The following DST variants were observed in gnomAD, a reference collection of about 807,000 sequenced individuals.
DST encodes bullous pemphigoid antigen.
A neutral mutation model predicts 875.2 loss-of-function variants in DST; 253 were observed. The ratio of observed to expected loss-of-function variants is 0.29; its 90% CI spans 0.26 to 0.32. DST has a LOEUF of 0.32. Ranked by LOEUF, DST falls within the 10% of genes least tolerant of loss-of-function variation. DST has a pLI of 1.00. For missense variants in DST, 8,287 were observed against 9,111.6 expected (o/e 0.91, Z 3.68); for synonymous variants, 3,124 against 3,197.1 (o/e 0.98, Z 0.77).
At chr6:56,938,108 C>CTCTCTCTCTCTCTCTCTCTCTCTA (rs1383243392) in intron 2 of DST, among the ~76,000 whole-genome samples, 2 of 120,750 alleles carry the variant, frequency 1.7e-5, no homozygotes, top group African/African-American at 7.0e-5. Context: ...CTCTCTCTCT[C>CTCTCTCTCTCTCTCTCTCTCTCTA]TATATATATA....
intron 21 of DST, 25 bp from the exon 22 acceptor site, chr6:56,639,388 G>A: frequency 6.2e-7 from 1 of 1,612,238 alleles, no homozygotes; most frequent in South Asian, 1.1e-5. Flanking sequence ...TAAGAAGTGT[G>A]TTAGAAAAAT....
intron 3 of DST, among the ~76,000 whole-genome samples, chr6:56,874,053 T>C (rs545140638): frequency 5.6e-4 from 85 of 152,286 alleles, no homozygotes; most frequent in African/African-American, 2.0e-3. Flanking sequence ...GGCTGTAGTA[T>C]ACTTTACACC....
chr6:56,663,298 T>C (rs1201772429), intron 10 of DST, among the ~76,000 whole-genome samples: 2 of 152,218 alleles, frequency 1.3e-5, no homozygotes, highest in African/African-American at 2.4e-5. Flanking sequence ...GTTCTCAAAG[T>C]TCAATCATTT....
chr6:56,572,375 T>C, intron 52 of DST, 109 bp from the exon 53 acceptor site: 1 of 653,844 alleles, frequency 1.5e-6, no homozygotes. Context: ...TAATTTCACA[T>C]AAGAATGAGT....
At chr6:56,611,670 A>T in intron 37 of DST, 74 bp from the exon 38 acceptor site, 1 of 1,097,810 alleles carries the variant, frequency 9.1e-7, no homozygotes, top group Non-Finnish European at 1.3e-6. Context: ...AAAAAAAGAA[A>T]TTAATCAAGC....
At chr6:56,756,198 C>T (rs553010152) in intron 4 of DST, among the ~76,000 whole-genome samples, 1 of 152,128 alleles carries the variant, frequency 6.6e-6, no homozygotes, top group South Asian at 2.1e-4. Context: ...AAGGAGGCTA[C>T]CCTTGGTTCT....
intron 3 of DST, among the ~76,000 whole-genome samples, chr6:56,893,212 C>A (rs971303054): frequency 1.4e-4 from 22 of 152,186 alleles, no homozygotes; most frequent in African/African-American, 4.8e-4. Flanking sequence ...GACTTTGAGT[C>A]CTCATAGCTT....
chr6:56,544,952 T>C (rs1584572833), intron 61 of DST, among the ~76,000 whole-genome samples: 2 of 152,188 alleles, frequency 1.3e-5, no homozygotes, highest in Admixed American at 1.3e-4. Flanking sequence ...TAGCCTCTAA[T>C]GTTAATAAAA....
chr6:56,464,490 C>T, intron 100 of DST, 195 bp downstream of exon 100: 1 of 596,930 alleles, frequency 1.7e-6, no homozygotes, highest in South Asian at 2.1e-5. Flanking sequence ...TCACTTATAA[C>T]ACCTGCATGT....
At position 56,597,911 on chromosome 6, in the gene DST, C is replaced by A. The variant is rs757995863; in HGVS notation, c.12024G>T (p.Gly4008=). Residue 4008 remains glycine (G), a synonymous_variant, in exon 47 of 104, where the codon GGG becomes GGT. Coordinates refer to ENST00000680361, the MANE Select transcript of DST (RefSeq NM_001374736.1). ...SNVDKDSERA[G]TKHKQVIEQN... Reference sequence around the variant, plus strand: ...GTTCGATTACCTGTTTGTGTTTTGTCCCTGCCCTTTCTGAGTCTTTGTCAA... The same window carrying A: ...GTTCGATTACCTGTTTGTGTTTTGTACCTGCCCTTTCTGAGTCTTTGTCAA... 12 of 1,613,550 alleles carry A rather than the reference C, an allele frequency of 7.4e-6. No homozygotes were observed. Among genetic ancestry groups the A allele is most frequent in the Non-Finnish European group, 1.0e-5 (12 of 1,179,750 alleles).
intron 9 of DST, among the ~76,000 whole-genome samples, chr6:56,686,912 A>T (rs541162881): frequency 1.3e-5 from 2 of 152,350 alleles, no homozygotes; most frequent in South Asian, 4.1e-4. Flanking sequence ...TTAATCCTCA[A>T]AACAAGAAAC....
intron 2 of DST, among the ~76,000 whole-genome samples, chr6:56,927,256 C>A (rs1178393221): frequency 6.6e-6 from 1 of 151,926 alleles, no homozygotes; most frequent in African/African-American, 2.4e-5. Context: ...AAACTAGTAC[C>A]CAACCCAGAG....
intron 10 of DST, among the ~76,000 whole-genome samples, chr6:56,666,792 G>A (rs1485883098): frequency 6.8e-6 from 1 of 147,992 alleles, no homozygotes; most frequent in East Asian, 2.0e-4. Context: ...CTGGGGTGCA[G>A]TGACACAGTC....
chr6:56,595,734 T>C (rs1034998885), intron 47 of DST, among the ~76,000 whole-genome samples: 17 of 151,554 alleles, frequency 1.1e-4, no homozygotes, highest in African/African-American at 4.2e-4. Context: ...CTAACTTCTT[T>C]CCCACAGACT....
intron 3 of DST, among the ~76,000 whole-genome samples, chr6:56,893,605 A>ATTTATTT (rs1789043804): frequency 3.2e-5 from 2 of 63,404 alleles, no homozygotes; most frequent in South Asian, 8.5e-4. Flanking sequence ...TTTATTTTTT[A>ATTTATTT]TTTTTTATTT....
intron 47 of DST, among the ~76,000 whole-genome samples, chr6:56,595,142 G>A (rs1230438991): frequency 2.6e-5 from 4 of 152,100 alleles, no homozygotes; most frequent in Non-Finnish European, 4.4e-5. Flanking sequence ...TGGCTTACAT[G>A]GAGCCAAATG....
At chr6:56,781,531 A>G (rs1177883175) in intron 4 of DST, among the ~76,000 whole-genome samples, 1 of 152,056 alleles carries the variant, frequency 6.6e-6, no homozygotes, top group East Asian at 1.9e-4. Flanking sequence ...TTTGTCTGTT[A>G]TTGGTGTACA....
chr6:56,537,852 C>T (rs191467645), intron 61 of DST, among the ~76,000 whole-genome samples: 1 of 152,266 alleles, frequency 6.6e-6, no homozygotes, highest in Admixed American at 6.5e-5. Flanking sequence ...CCTGGGCCTA[C>T]CATGGTACCT....
chr6:56,633,428 G>A (rs906097705), intron 27 of DST, among the ~76,000 whole-genome samples: 6 of 151,320 alleles, frequency 4.0e-5, no homozygotes, highest in Non-Finnish European at 7.4e-5. Flanking sequence ...GGGTTTCACC[G>A]TTTTAGCCGG....
Sources: gnomAD v4.1 joint callset for allele counts (sites outside exome capture counted in the v4.1 genomes callset) on GRCh38, gnomAD v4.1.1 for gene constraint, MANE v1.5 for transcripts, NCBI Gene and HGNC (gene_info 2026-07-23, HGNC 2026-07-21) for gene names.